The following NLGN1 variants were observed in gnomAD, a reference collection of about 807,000 sequenced individuals.
NLGN1 encodes neuroligin-1.
A neutral mutation model predicts 65.5 loss-of-function variants in NLGN1; 12 were observed. That is an observed-to-expected ratio of 0.18 (90% CI 0.12 to 0.30). The LOEUF is 0.30. Among genes scored for constraint, NLGN1 ranks in the 10% least tolerant of loss-of-function variants. NLGN1 has a pLI of 1.00. For synonymous variants in NLGN1, 350 were observed against 359.5 expected, an observed-to-expected ratio of 0.97 and a Z score of 0.30; for missense variants, 750 against 1,007.1, an observed-to-expected ratio of 0.74 and a Z score of 3.46.
At chr3:173,668,682 G>C (rs1397659316) in intron 3 of NLGN1, among the ~76,000 whole-genome samples, 1 of 150,514 alleles carries the variant, frequency 6.6e-6, no homozygotes, top group East Asian at 2.0e-4. Context: ...GGAGTGCAGT[G>C]GCATGATCTC....
rs10688223 is a variant in NLGN1, at chr3:173,994,491, A to AAAAGAG, written c.646+186660_646+186661insAAGAGA. The stretch of plus-strand genomic sequence containing the variant: ...AAAAAAAAAAAAAAAAAAAAAAAAA[A>AAAAGAG]AGAGAGAGAGAGAGCCTAATTAGTA... On this transcript the variant is annotated intron_variant, in intron 4 of 6. Coordinates refer to ENST00000457714, the Ensembl canonical transcript of NLGN1. 8.0e-3 allele frequency among the ~76,000 whole-genome samples: 645 copies of AAAAGAG among 80,720 alleles called. 16 individuals carry two copies. The highest frequency in any genetic ancestry group is 0.016 in the East Asian group (25 of 1,578). 53.0% of individuals were successfully genotyped at this position (80,720 alleles called of 152,430 possible).
intron 4 of NLGN1, among the ~76,000 whole-genome samples, chr3:173,834,075 C>A (rs1438651862): frequency 6.6e-6 from 1 of 152,064 alleles, no homozygotes; most frequent in Admixed American, 6.5e-5. Flanking sequence ...CAAACTTTTT[C>A]TCTCAACACC....
chr3:173,446,605 G>T (rs558077063), intron 2 of NLGN1, among the ~76,000 whole-genome samples: 1 of 152,128 alleles, frequency 6.6e-6, no homozygotes, highest in Non-Finnish European at 1.5e-5. Context: ...TGGGTCAAAT[G>T]GTATTTCTAG....
At chr3:173,579,923 G>A (rs1036879369) in intron 2 of NLGN1, among the ~76,000 whole-genome samples, 3 of 152,080 alleles carry the variant, frequency 2.0e-5, no homozygotes, top group Admixed American at 6.5e-5. Flanking sequence ...TCTAGCTTCA[G>A]AATTTTTAAA....
At chr3:174,241,149 A>T (rs972238612) in intron 4 of NLGN1, among the ~76,000 whole-genome samples, 1 of 152,206 alleles carries the variant, frequency 6.6e-6, no homozygotes, top group African/African-American at 2.4e-5. Flanking sequence ...TCCCTACTAG[A>T]AAAACAGAGA....
At chr3:174,187,607 AAAG>A (rs1315597385) in intron 4 of NLGN1, among the ~76,000 whole-genome samples, 3 of 152,088 alleles carry the variant, frequency 2.0e-5, no homozygotes, top group South Asian at 2.1e-4. Context: ...CAAAATCTGA[AAAG>A]AAGAGTATCA....
chr3:174,278,716 ACTTCC>A, intron 5 of NLGN1, 140 bp from the exon 6 acceptor site: 1 of 614,890 alleles, frequency 1.6e-6, no homozygotes, highest in Non-Finnish European at 2.5e-6. Context: ...GGCTTTGTGT[ACTTCC>A]CTTAAGAAAA....
chr3:173,772,136 C>G (rs2150269249), intron 3 of NLGN1, among the ~76,000 whole-genome samples: 1 of 152,178 alleles, frequency 6.6e-6, no homozygotes, highest in African/African-American at 2.4e-5. Context: ...AGATTATTGG[C>G]TCATTTTTAC....
intron 1 of NLGN1, among the ~76,000 whole-genome samples, chr3:173,419,972 A>AAAAATAAAAGAAAAT (rs879676212): frequency 7.0e-6 from 1 of 142,656 alleles, no homozygotes; most frequent in African/African-American, 2.7e-5. Context: ...ACTCAGTCTC[A>AAAAATAAAAGAAAAT]AAAATAAAAT....
chr3:174,196,538 T>C (rs1400210937), intron 4 of NLGN1, among the ~76,000 whole-genome samples: 1 of 152,194 alleles, frequency 6.6e-6, no homozygotes, highest in Non-Finnish European at 1.5e-5. Context: ...TTTATAACCA[T>C]CTACCATGGC....
chr3:173,995,841 A>G (rs1249221638), intron 4 of NLGN1, among the ~76,000 whole-genome samples: 7 of 151,602 alleles, frequency 4.6e-5, no homozygotes, highest in Middle Eastern at 6.8e-3. Context: ...TGCACATACC[A>G]TACTCGGCTA....
In NLGN1 at chr3:173,562,927, G is replaced by A. The variant is rs540695616; in HGVS notation, c.-320-41352G>A. Among the ~76,000 whole-genome samples, 14 of 152,196 alleles carry A rather than the reference G, an allele frequency of 9.2e-5. No homozygotes were observed. The South Asian group carries it at 2.7e-3, about 29-fold the overall frequency. ...CTATCTCCACCAAGATGTCTAATAA[G>A]ATTGACCTACCATGTCCAAGGCTGA... On this transcript the variant is annotated intron_variant, in intron 2 of 6. Transcript: ENST00000457714.
intron 4 of NLGN1, among the ~76,000 whole-genome samples, chr3:174,192,409 ATAAT>A (rs1321167610): frequency 6.6e-6 from 1 of 152,222 alleles, no homozygotes; most frequent in Admixed American, 6.5e-5. Context: ...GTTCTAAGAT[ATAAT>A]TAAAGAGATT....
At chr3:173,475,088 A>G (rs927684020) in intron 2 of NLGN1, among the ~76,000 whole-genome samples, 2 of 152,200 alleles carry the variant, frequency 1.3e-5, no homozygotes, top group African/African-American at 4.8e-5. Flanking sequence ...AAAATTACCA[A>G]TATAAACTTA....
intron 4 of NLGN1, among the ~76,000 whole-genome samples, chr3:174,260,461 T>G (rs1746678400): frequency 6.6e-6 from 1 of 151,948 alleles, no homozygotes; most frequent in Non-Finnish European, 1.5e-5. Context: ...TTTCATGTGT[T>G]TTTTGGCTGC....
chr3:173,744,832 T>TTATTTA (rs138736139), intron 3 of NLGN1, among the ~76,000 whole-genome samples: 1 of 151,360 alleles, frequency 6.6e-6, no homozygotes, highest in African/African-American at 2.4e-5. Context: ...ATTTATTTAT[T>TTATTTA]TTTTTTTTGA....
intron 2 of NLGN1, among the ~76,000 whole-genome samples, chr3:173,474,585 A>G (rs1158993867): frequency 2.0e-5 from 3 of 152,188 alleles, no homozygotes; most frequent in Non-Finnish European, 4.4e-5. Flanking sequence ...TTTGATTAAT[A>G]TGTATGTACT....
intron 4 of NLGN1, among the ~76,000 whole-genome samples, chr3:173,906,664 T>C (rs1022688401): frequency 7.2e-5 from 11 of 152,052 alleles, no homozygotes; most frequent in African/African-American, 2.7e-4. Context: ...TATATTTCTT[T>C]CCCTTCTGTG....
At chr3:173,731,487 A>G (rs1772837400) in intron 3 of NLGN1, among the ~76,000 whole-genome samples, 1 of 152,112 alleles carries the variant, frequency 6.6e-6, no homozygotes. Flanking sequence ...GGGAAATACT[A>G]CCTTTTCTGC....
Sources: allele counts gnomAD v4.1 joint callset (sites outside exome capture counted in the v4.1 genomes callset), GRCh38; gene constraint gnomAD v4.1.1; transcripts MANE v1.5; gene names NCBI Gene and HGNC (gene_info 2026-07-23, HGNC 2026-07-21).